TRMT44: variants seen among roughly 807,000 people sequenced by gnomAD.
TRMT44 encodes tRNA methyltransferase 44 homolog, also known as probable tRNA (uracil-O(2)-)-methyltransferase.
In TRMT44, 78 loss-of-function variants were observed where a neutral mutation model predicts 77.3. The ratio of observed to expected loss-of-function variants is 1.01; its 90% CI spans 0.84 to 1.22. The LOEUF is 1.22. Ranked by LOEUF, TRMT44 falls within the 50% of genes most tolerant of loss-of-function variation. The pLI is 0.00. For missense variants in TRMT44, 1,090 were observed against 964.4 expected (o/e 1.13, Z -1.73); for synonymous variants, 391 against 383.3 (o/e 1.02, Z -0.23).
At chr4:8,487,828 G>A (rs1223009662) in intron 2 of TRMT44, among the ~76,000 whole-genome samples, 8 of 152,142 alleles carry the variant, frequency 5.3e-5, no homozygotes, top group Admixed American at 5.2e-4. Flanking sequence ...AAAGACCAAG[G>A]CAGGCGTCCA....
At chr4:8,510,303 T>A in the TRMT44 span, 1 of 152,674 alleles carries the variant, frequency 6.5e-6, no homozygotes, top group Non-Finnish European at 1.5e-5. Flanking sequence ...GGAACCTTCC[T>A]CCATCTCAGA....
intron 6 of TRMT44, among the ~76,000 whole-genome samples, chr4:8,459,271 A>C (rs985650456): frequency 6.6e-6 from 1 of 152,208 alleles, no homozygotes; most frequent in African/African-American, 2.4e-5. Context: ...ACTTTGTTCA[A>C]GGGCCAGCTG....
At chr4:8,489,788 TTTAAA>T (rs1379025319) in intron 2 of TRMT44, among the ~76,000 whole-genome samples, 1 of 152,142 alleles carries the variant, frequency 6.6e-6, no homozygotes, top group African/African-American at 2.4e-5. Flanking sequence ...TAGGCTGTAG[TTTAAA>T]TTATAATAGG....
chr4:8,441,065 G>A lies in TRMT44; in HGVS notation c.243G>A (p.Gly81=). 2 of 1,487,150 alleles carry A rather than the reference G, an allele frequency of 1.3e-6. No homozygotes were observed. The highest frequency in any genetic ancestry group is 1.8e-6 in the Non-Finnish European group (2 of 1,124,516). 92.1% of individuals were successfully genotyped at this position (1,487,150 alleles called of 1,614,324 possible). A position where few individuals can be genotyped will look rare whatever the true frequency, so the allele number is the denominator to read the frequency against. Residue 81 remains glycine, a synonymous_variant, in exon 1 of 11, where the codon GGG becomes GGA. Transcript: ENST00000389737. The part of the protein sequence containing the change: ...GPGPGQGSPG[G]GPGPRSLSGP... ...GACCCGGCCAGGGTTCCCCCGGAGG[G>A]GGCCCGGGTCCCAGGTCGCTATCAG...
intron 2 of TRMT44, among the ~76,000 whole-genome samples, chr4:8,488,571 G>A (rs937694103): frequency 6.6e-6 from 1 of 152,200 alleles, no homozygotes; most frequent in Non-Finnish European, 1.5e-5. Context: ...CACTTCTTTT[G>A]TGGTGGAATG....
rs546884799 is a variant in TRMT44, at chr4:8,455,138, A to T, written c.1203+325A>T. On this transcript the variant is annotated intron_variant, in intron 6 of 10. Coordinates refer to ENST00000389737, the MANE Select transcript of TRMT44 (RefSeq NM_152544.3). ...GGGCTGTGCCCCGTGCATTTTGCGA[A>T]GTCTTCTCCAAGGCCTCCCAAAGGC... is the stretch of plus-strand genomic sequence containing the variant. Among the ~76,000 whole-genome samples, 4 of 152,300 alleles carry T rather than the reference A, an allele frequency of 2.6e-5. No homozygotes were observed. In the East Asian group the frequency reaches 7.7e-4, roughly 29 times the overall value.
chr4:8,445,592 T>C (rs1349002233), intron 1 of TRMT44, among the ~76,000 whole-genome samples: 1 of 152,214 alleles, frequency 6.6e-6, no homozygotes, highest in Non-Finnish European at 1.5e-5. Context: ...CTGACCTCCT[T>C]CGGCTCTCTG....
the TRMT44 span, among the ~76,000 whole-genome samples, chr4:8,503,241 C>A: frequency 6.6e-6 from 1 of 152,256 alleles, no homozygotes; most frequent in Admixed American, 6.5e-5. Context: ...TGCACACACA[C>A]CCTTGAGGGT....
intron 9 of TRMT44, among the ~76,000 whole-genome samples, chr4:8,469,466 A>C (rs1298231892): frequency 6.6e-6 from 1 of 152,238 alleles, no homozygotes; most frequent in Non-Finnish European, 1.5e-5. Flanking sequence ...GTGGTCTGAA[A>C]GTTCCCACGT....
chr4:8,452,025 G>T lies in TRMT44; in HGVS notation c.1020G>T (p.Leu340=). ...VYEDVAIAAY[L]LILWEEERAE... is the part of the protein sequence containing the mutation. The stretch of plus-strand genomic sequence containing the variant: ...AAGATGTGGCTATCGCAGCATACCT[G>T]CTGGTAAGGGTGTAAGCGACCTCAG... Residue 340 remains leucine (L), a synonymous_variant, in exon 4 of 11, where the codon CTG becomes CTT. Transcript: ENST00000389737. This position sits in a 1 kb window ranked among gnomAD's most constrained non-coding sequence, Gnocchi z 5.7. 6.5e-7 allele frequency: 1 copy of T among 1,536,566 alleles called. No homozygotes were observed.
chr4:8,459,063 A>C (rs189073372), intron 6 of TRMT44, among the ~76,000 whole-genome samples: 101 of 152,052 alleles, frequency 6.6e-4, no homozygotes, highest in African/African-American at 2.3e-3. Flanking sequence ...TTAGCTGGAC[A>C]TGGTGGCATG....
At chr4:8,458,791 T>G (rs1344507851) in intron 6 of TRMT44, among the ~76,000 whole-genome samples, 2 of 152,156 alleles carry the variant, frequency 1.3e-5, no homozygotes, top group Non-Finnish European at 2.9e-5. Context: ...AGCTTTATTT[T>G]AAGGATATAG....
downstream of TRMT44, among the ~76,000 whole-genome samples, chr4:8,495,964 CCTG>C (rs1334179834): frequency 6.6e-6 from 1 of 152,232 alleles, no homozygotes; most frequent in African/African-American, 2.4e-5. Flanking sequence ...TTGTTTCCCT[CCTG>C]CAGCCAATCA....
At chr4:8,454,883 A>G (rs1725702132) in intron 6 of TRMT44, 70 bp downstream of exon 6, 1 of 1,404,376 alleles carries the variant, frequency 7.1e-7, no homozygotes, top group Non-Finnish European at 1.0e-6. Context: ...GCTGTAATGA[A>G]TGTGTCTCTT....
chr4:8,484,878 G>T (rs1291885151), intron 2 of TRMT44, among the ~76,000 whole-genome samples: 2 of 152,166 alleles, frequency 1.3e-5, no homozygotes, highest in Non-Finnish European at 2.9e-5. Flanking sequence ...GACATGAGCG[G>T]CAGGGAGAGC....
chr4:8,462,383 C>A (rs1726214554), intron 6 of TRMT44, among the ~76,000 whole-genome samples: 1 of 150,312 alleles, frequency 6.7e-6, no homozygotes, highest in African/African-American at 2.5e-5. Flanking sequence ...TGCACGCCAG[C>A]CTAGGCAACA....
chr4:8,452,759 G>A lies in TRMT44; in HGVS notation c.1024-123G>A, dbSNP rs1056960613. ...CAAAAAAAGAAAAAAAAAAAAGAAT[G>A]TTTAGTGTAGATGATTTCAAGTTTC... On this transcript the variant is annotated intron_variant, in intron 4 of 10. Transcript: ENST00000389737. This position sits in a 1 kb window ranked among gnomAD's most constrained non-coding sequence, Gnocchi z 5.7. 1.1e-5 allele frequency: 6 copies of A among 554,056 alleles called. No homozygotes were observed. The highest frequency in any genetic ancestry group is 1.6e-5 in the Non-Finnish European group (5 of 322,064). The allele number at this position is 554,056 out of a possible 1,614,324, so 34.3% of individuals were successfully genotyped here.
At chr4:8,479,729 A>T (rs1727554205), downstream of TRMT44, among the ~76,000 whole-genome samples, 1 of 152,198 alleles carries the variant, frequency 6.6e-6, no homozygotes, top group African/African-American at 2.4e-5. Flanking sequence ...GGCCACACTC[A>T]GTTTATACTA....
At chr4:8,516,092 T>G in the TRMT44 span, among the ~76,000 whole-genome samples, 1 of 152,018 alleles carries the variant, frequency 6.6e-6, no homozygotes, top group Non-Finnish European at 1.5e-5. Flanking sequence ...TTCATAAAAT[T>G]AACCAGGGAA....
Sources: allele counts gnomAD v4.1 joint callset (sites outside exome capture counted in the v4.1 genomes callset), GRCh38; gene constraint gnomAD v4.1.1; non-coding constraint Gnocchi (gnomAD v3.1); transcripts MANE v1.5; gene names NCBI Gene and HGNC (gene_info 2026-07-23, HGNC 2026-07-21).